AKAP10: variants seen among roughly 807,000 people sequenced by gnomAD.
AKAP10 encodes A-kinase anchoring protein 10, also known as A-kinase anchor protein 10, mitochondrial.
Under a neutral mutation model 80.8 loss-of-function variants are expected in AKAP10, and 24 were observed. That is an observed-to-expected ratio of 0.30 (90% CI 0.22 to 0.42). The LOEUF (loss-of-function observed/expected upper bound fraction) is 0.42, where lower values mean the gene tolerates loss of function less well. Ranked by LOEUF, AKAP10 falls within the 10% of genes least tolerant of loss-of-function variation. AKAP10 has a pLI of 1.00. For synonymous variants in AKAP10, 291 were observed against 277.7 expected (o/e 1.05, Z -0.48); for missense variants, 661 against 794.9 (o/e 0.83, Z 2.03).
At chr17:19,971,843 C>CTG (rs2043502008) in intron 1 of AKAP10, among the ~76,000 whole-genome samples, 3 of 152,194 alleles carry the variant, frequency 2.0e-5, no homozygotes, top group African/African-American at 7.2e-5. Context: ...CAGCCAGGAG[C>CTG]ATTGGCTCAC....
chr17:19,926,456 C>T (rs1282408028), intron 10 of AKAP10, among the ~76,000 whole-genome samples: 1 of 152,062 alleles, frequency 6.6e-6, no homozygotes, highest in Non-Finnish European at 1.5e-5. Context: ...CATCATTGCT[C>T]TGTAAGTTCT....
chr17:19,938,237 A>ATTTTTTTTTTT (rs71157845), intron 8 of AKAP10, among the ~76,000 whole-genome samples: 8 of 136,068 alleles, frequency 5.9e-5, no homozygotes, highest in Admixed American at 3.0e-4. Context: ...CTGAAAACCT[A>ATTTTTTTTTTT]TTTTTTTTTT....
At chr17:19,961,632 C>T (rs116399892) in intron 3 of AKAP10, among the ~76,000 whole-genome samples, 9 of 152,084 alleles carry the variant, frequency 5.9e-5, no homozygotes, top group Non-Finnish European at 1.2e-4. Context: ...CTTATGACAA[C>T]ATGACATGCA....
Position 19,977,642 on chromosome 17 carries a change from C to A in AKAP10, c.38G>T (p.Arg13Leu). 1 of 1,235,206 alleles carries A rather than the reference C, an allele frequency of 8.1e-7. No individual in the cohort carries two copies. 76.5% of individuals were successfully genotyped at this position (1,235,206 alleles called of 1,614,324 possible). A position where few individuals can be genotyped will look rare whatever the true frequency, so the allele number is the denominator to read the frequency against. Residue 13 changes from arginine (R) to leucine (L), a missense_variant, in exon 1 of 15, where the codon CGC (arginine) becomes CTC (leucine). Physicochemically the swap from Arg to Leu is moderately radical, Grantham distance 102. Coordinates refer to ENST00000225737, the MANE Select transcript of AKAP10 (RefSeq NM_007202.4). The stretch of plus-strand genomic sequence containing the variant: ...GGGGCCCGGGTCGGGACGGAGGGTG[C>A]GGGGGGACTGGCGCGGGGAGGGCCC... ...GAGPSPRQSP[R>L]TLRPDPGPAM...
chr17:19,936,388 A>G lies in AKAP10; in HGVS notation c.1365T>C (p.Asp455=), dbSNP rs2042992610. ...LQATHPLGFD[D]VVRLEIESNI... ...TGGATTCAATTTCTAATCGTACAAC[A>G]TCATCAAATCCAAGAGGATGTGTGG... Residue 455 remains aspartate (D), a synonymous_variant, in exon 9 of 15, where the codon GAT becomes GAC. Coordinates refer to ENST00000225737, the MANE Select transcript of AKAP10 (RefSeq NM_007202.4). The G allele has an allele frequency of 1.2e-6, 2 of 1,613,676 alleles. No homozygotes were observed. The highest frequency in any genetic ancestry group is 1.7e-6 in the Non-Finnish European group (2 of 1,179,634).
chr17:19,977,796 G>T lies in AKAP10; in HGVS notation c.-117C>A. 1.8e-6 allele frequency: 1 copy of T among 565,384 alleles called. No homozygotes were observed. The highest frequency in any genetic ancestry group is 1.9e-5 in the African/African-American group (1 of 51,826). 35.0% of individuals were successfully genotyped at this position (565,384 alleles called of 1,614,324 possible). A position where few individuals can be genotyped will look rare whatever the true frequency, so the allele number is the denominator to read the frequency against. On this transcript the variant is annotated 5_prime_UTR_variant, in exon 1 of 15. Coordinates refer to ENST00000225737, the MANE Select transcript of AKAP10 (RefSeq NM_007202.4). ...TCGGGATGCCCAGGCAGCTCCAGCC[G>T]CCATATTATCAACAAGCCGCCCGCC...
At chr17:19,953,875 T>C (rs955400769) in intron 4 of AKAP10, among the ~76,000 whole-genome samples, 9 of 152,008 alleles carry the variant, frequency 5.9e-5, no homozygotes, top group Admixed American at 2.0e-4. Context: ...GCATTAAAAA[T>C]ACAAAAATTA....
intron 11 of AKAP10, among the ~76,000 whole-genome samples, chr17:19,922,831 C>G (rs1296881943): frequency 6.6e-6 from 1 of 152,168 alleles, no homozygotes; most frequent in Non-Finnish European, 1.5e-5. Context: ...ACCTGGGAGA[C>G]AGAGGTTGCA....
Position 19,904,992 on chromosome 17 carries a change from A to C in AKAP10, c.*1235T>G, listed in dbSNP as rs977975291. 1 of 140,612 alleles carries C rather than the reference A, an allele frequency of 7.1e-6. No homozygotes were observed. The highest frequency in any genetic ancestry group is 1.6e-5 in the Non-Finnish European group (1 of 63,240). The allele number at this position is 140,612 out of a possible 1,614,324, so 8.7% of individuals were successfully genotyped here. A position where few individuals can be genotyped will look rare whatever the true frequency, so the allele number is the denominator to read the frequency against. On this transcript the variant is annotated 3_prime_UTR_variant, in exon 15 of 15. Coordinates refer to ENST00000225737, the MANE Select transcript of AKAP10 (RefSeq NM_007202.4). ...CATTCAAGACTTTCTCAAGGACAAA[A>C]GTGATTAATAATTATATATTTATAC... is the stretch of plus-strand genomic sequence containing the variant.
intron 4 of AKAP10, among the ~76,000 whole-genome samples, chr17:19,951,914 T>TA (rs759583171): frequency 0.14 from 12,310 of 85,872 alleles, 626 homozygotes; most frequent in Non-Finnish European, 0.18. Flanking sequence ...AAATAAGAAT[T>TA]AAAAAAAAAA....
chr17:19,913,337 A>G (rs1304371903), intron 12 of AKAP10, among the ~76,000 whole-genome samples: 1 of 151,968 alleles, frequency 6.6e-6, no homozygotes, highest in African/African-American at 2.4e-5. Flanking sequence ...TATTTTTAGT[A>G]GAGATGGGGT....
chr17:19,931,734 T>A, intron 10 of AKAP10, 71 bp downstream of exon 10: 7 of 1,472,270 alleles, frequency 4.8e-6, no homozygotes, highest in Non-Finnish European at 6.4e-6. Flanking sequence ...AATAATAGGA[T>A]CTGTTACTGG....
At chr17:19,930,668 G>C (rs1000311322) in intron 10 of AKAP10, among the ~76,000 whole-genome samples, 1 of 151,890 alleles carries the variant, frequency 6.6e-6, no homozygotes, top group Non-Finnish European at 1.5e-5. Flanking sequence ...TTGAGGTCAG[G>C]GGTTCAAGAC....
Position 19,962,957 on chromosome 17 carries a change from G to T in AKAP10, c.202C>A (p.Pro68Thr). The T allele has an allele frequency of 6.2e-7, 1 of 1,613,826 alleles. No homozygotes were observed. Among genetic ancestry groups the T allele is most frequent in the Non-Finnish European group, 8.5e-7 (1 of 1,179,790 alleles). Residue 68 changes from proline (P) to threonine (T), a missense_variant, in exon 3 of 15, where the codon CCA becomes ACA. Physicochemically the swap from Pro to Thr is conservative, Grantham distance 38 (BLOSUM62 -1). Transcript: ENST00000225737. Reference sequence around the variant, plus strand: ...ATGGCATTGATTGCAACATGACTTGGTCCTGCAGCCTCCAGCAAGGCATGA... The same window carrying T: ...ATGGCATTGATTGCAACATGACTTGTTCCTGCAGCCTCCAGCAAGGCATGA... Reference protein sequence around the residue: ...KNHALLEAAGPSHVAINAISA... With the variant: ...KNHALLEAAGTSHVAINAISA...
intron 12 of AKAP10, among the ~76,000 whole-genome samples, chr17:19,917,409 C>A (rs1424073153): frequency 2.0e-5 from 3 of 152,198 alleles, no homozygotes; most frequent in Non-Finnish European, 4.4e-5. Context: ...TCACAAAGGT[C>A]ATCTGGCACT....
intron 5 of AKAP10, among the ~76,000 whole-genome samples, chr17:19,946,253 A>T (rs1362356783): frequency 3.8e-4 from 8 of 20,822 alleles, no homozygotes; most frequent in African/African-American, 1.4e-3. Flanking sequence ...ATATATATAT[A>T]TATATATATA....
intron 12 of AKAP10, among the ~76,000 whole-genome samples, chr17:19,915,391 A>C (rs1348326620): frequency 3.3e-5 from 5 of 152,230 alleles, no homozygotes; most frequent in Non-Finnish European, 5.9e-5. Flanking sequence ...AAAGGAACCA[A>C]GCTGGAGTAA....
At chr17:19,962,204 T>C (rs754037090) in intron 3 of AKAP10, among the ~76,000 whole-genome samples, 60 of 152,096 alleles carry the variant, frequency 3.9e-4, no homozygotes, top group Non-Finnish European at 8.8e-5. Flanking sequence ...TAACAGATAT[T>C]TATATGTTGT....
intron 1 of AKAP10, among the ~76,000 whole-genome samples, chr17:19,973,926 G>A (rs752260039): frequency 2.0e-5 from 3 of 152,206 alleles, no homozygotes; most frequent in Non-Finnish European, 2.9e-5. Context: ...AAATGCAGCC[G>A]GGAGCGGTGG....
Sources: gnomAD v4.1 joint callset for allele counts (sites outside exome capture counted in the v4.1 genomes callset) on GRCh38, gnomAD v4.1.1 for gene constraint, MANE v1.5 for transcripts, NCBI Gene and HGNC (gene_info 2026-07-23, HGNC 2026-07-21) for gene names.